Variants in COL25A1 observed in about 807,000 individuals in gnomAD.
COL25A1 encodes collagen alpha-1(XXV) chain.
A neutral mutation model predicts 128.4 loss-of-function variants in COL25A1; 103 were observed. The ratio of observed to expected loss-of-function variants is 0.80; its 90% CI spans 0.68 to 0.94. The LOEUF is 0.94. COL25A1 is among the 40% of genes least tolerant of loss of function. COL25A1 has a pLI of 0.00. For synonymous variants in COL25A1, 279 were observed against 277.2 expected, an observed-to-expected ratio of 1.01 and a Z score of -0.06; for missense variants, 745 against 840.0, an observed-to-expected ratio of 0.89 and a Z score of 1.40.
At chr4:109,214,243 A>C (rs768247307) in intron 3 of COL25A1, among the ~76,000 whole-genome samples, 1 of 152,168 alleles carries the variant, frequency 6.6e-6, no homozygotes, top group Non-Finnish European at 1.5e-5. Context: ...TAACAGAAAA[A>C]CATATTGAAA....
intron 8 of COL25A1, among the ~76,000 whole-genome samples, chr4:108,942,749 CTTTTTTTT>C (rs746618908): frequency 1.4e-5 from 1 of 69,960 alleles, no homozygotes; most frequent in African/African-American, 6.6e-5. Context: ...CACATCTGGA[CTTTTTTTT>C]TTTTTTTTTT....
In COL25A1 at chr4:109,220,919, G is replaced by A. The variant is rs114515663; in HGVS notation, c.367+79664C>T. On this transcript the variant is annotated intron_variant, in intron 3 of 37. Transcript: ENST00000399132. ...GACAACTATTTTACTGATATGAGTG[G>A]ATATTTTTCCAGAAAATTTTATGGG... Among the ~76,000 whole-genome samples the A allele has an allele frequency of 6.9e-3, 1,049 of 152,032 alleles. 11 individuals carry two copies. Among genetic ancestry groups the A allele is most frequent in the Middle Eastern group, 0.017 (5 of 294 alleles).
rs1316414887 is a variant in COL25A1 at position 108,868,192 on chromosome 4, G to T, written c.1083+896C>A. On this transcript the variant is annotated intron_variant, in intron 20 of 37. Transcript: ENST00000399132. Reference sequence around the variant, plus strand: ...CAGAATTTCTCTACTTTTCCATATGGCCAGGAAGCTAATAGCATCCCATCA... The same window carrying T: ...CAGAATTTCTCTACTTTTCCATATGTCCAGGAAGCTAATAGCATCCCATCA... 2.0e-5 allele frequency among the ~76,000 whole-genome samples: 3 copies of T among 152,034 alleles called. No individual in the cohort carries two copies. The East Asian group carries it at 5.8e-4, about 29-fold the overall frequency.
chr4:109,080,850 C>T (rs1763773860), intron 3 of COL25A1, among the ~76,000 whole-genome samples: 1 of 152,144 alleles, frequency 6.6e-6, no homozygotes, highest in Non-Finnish European at 1.5e-5. Flanking sequence ...AGCTATCTCC[C>T]ACTTCAGTTG....
chr4:109,153,306 G>A (rs577984689), intron 3 of COL25A1, among the ~76,000 whole-genome samples: 3 of 151,194 alleles, frequency 2.0e-5, no homozygotes, highest in East Asian at 2.0e-4. Flanking sequence ...AATCAAACCC[G>A]GGAGGCAGAG....
chr4:109,221,180 A>G (rs1030370367), intron 3 of COL25A1, among the ~76,000 whole-genome samples: 2 of 139,166 alleles, frequency 1.4e-5, no homozygotes, highest in South Asian at 2.1e-4. Context: ...TAAGATACTA[A>G]GTACTAAACA....
rs1736937634 is a variant in COL25A1, at chr4:108,859,683, G to A, written c.1293C>T (p.Tyr431=). The change falls in exon 24 of 38, where the codon TAC becomes TAT. Residue 431 remains tyrosine, a synonymous_variant. Coordinates refer to ENST00000399132, the MANE Select transcript of COL25A1 (RefSeq NM_198721.4). ...GDQGATEIID[Y]NGNLHEALQR... is the part of the protein sequence containing the mutation. ...GTAAGGCTTCGTGGAGGTTGCCGTTGTAGTCTATGATCTCAGTGGCTCCTT... is the reference window on the plus strand; with the variant it reads ...GTAAGGCTTCGTGGAGGTTGCCGTTATAGTCTATGATCTCAGTGGCTCCTT... 1.2e-6 allele frequency: 2 copies of A among 1,613,840 alleles called. No individual in the cohort carries two copies. The highest frequency in any genetic ancestry group is 1.7e-6 in the Non-Finnish European group (2 of 1,179,896).
At chr4:108,990,089 G>A (rs755688320) in intron 6 of COL25A1, among the ~76,000 whole-genome samples, 6 of 150,382 alleles carry the variant, frequency 4.0e-5, no homozygotes, top group Non-Finnish European at 8.9e-5. Flanking sequence ...TGGCGGGGCT[G>A]TAATCTCAGC....
At chr4:109,002,731 TCTA>T (rs1388641871) in intron 6 of COL25A1, among the ~76,000 whole-genome samples, 1 of 152,170 alleles carries the variant, frequency 6.6e-6, no homozygotes, top group Admixed American at 6.5e-5. Context: ...TCTTTATTTG[TCTA>T]CTAAGTAGTT....
intron 3 of COL25A1, among the ~76,000 whole-genome samples, chr4:109,137,560 C>T (rs564442945): frequency 1.2e-4 from 19 of 152,304 alleles, no homozygotes; most frequent in South Asian, 1.2e-3. Flanking sequence ...CACCTAGAGT[C>T]TGGTGTCCTT....
intron 31 of COL25A1, among the ~76,000 whole-genome samples, chr4:108,839,248 T>C (rs1385109208): frequency 6.6e-6 from 1 of 152,192 alleles, no homozygotes; most frequent in Admixed American, 6.5e-5. Context: ...GTCTCCCAGG[T>C]GATTCTTATC....
intron 31 of COL25A1, 114 bp downstream of exon 31, chr4:108,841,581 G>T: frequency 1.2e-6 from 1 of 858,922 alleles, no homozygotes; most frequent in Non-Finnish European, 1.9e-6. Context: ...AAGGCTCAAA[G>T]ATTATCAACA....
At position 109,273,892 on chromosome 4, in the gene COL25A1, T is replaced by TA. The variant is rs990334316; in HGVS notation, c.367+26690dup. Among the ~76,000 whole-genome samples the TA allele has an allele frequency of 4.6e-5, 7 of 151,926 alleles. No individual in the cohort carries two copies. The South Asian group carries it at 1.2e-3, about 27-fold the overall frequency. On this transcript the variant is annotated intron_variant, in intron 3 of 37. Transcript: ENST00000399132. The stretch of plus-strand genomic sequence containing the variant: ...TTAATATGAGATCAATTATAAACTG[T>TA]AAAAAAAATGAAAACAAATTAAGGA...
chr4:109,064,721 C>T (rs987353191), intron 3 of COL25A1, among the ~76,000 whole-genome samples: 1 of 152,172 alleles, frequency 6.6e-6, no homozygotes, highest in African/African-American at 2.4e-5. Flanking sequence ...AAGGACTGTA[C>T]TGGAGCTCCA....
intron 11 of COL25A1, among the ~76,000 whole-genome samples, chr4:108,926,532 G>T (rs1455641286): frequency 2.0e-5 from 3 of 152,134 alleles, no homozygotes; most frequent in Non-Finnish European, 2.9e-5. Flanking sequence ...CCAAAGGGAA[G>T]AATGATAACA....
At chr4:109,194,653 A>G (rs1223505039) in intron 3 of COL25A1, among the ~76,000 whole-genome samples, 1 of 152,164 alleles carries the variant, frequency 6.6e-6, no homozygotes, top group African/African-American at 2.4e-5. Flanking sequence ...AGTCCATTCT[A>G]GATATATACT....
At chr4:109,226,411 T>C (rs1778807565) in intron 3 of COL25A1, among the ~76,000 whole-genome samples, 1 of 152,182 alleles carries the variant, frequency 6.6e-6, no homozygotes, top group Non-Finnish European at 1.5e-5. Flanking sequence ...GTAAAATAAA[T>C]GTTTCATATT....
At chr4:108,941,046 T>G (rs970895476) in intron 9 of COL25A1, among the ~76,000 whole-genome samples, 2 of 152,246 alleles carry the variant, frequency 1.3e-5, no homozygotes, top group African/African-American at 4.8e-5. Flanking sequence ...ATTAAGCATA[T>G]GAGGCTCCCA....
At chr4:109,046,861 T>G (rs1165946457) in intron 5 of COL25A1, among the ~76,000 whole-genome samples, 1 of 152,092 alleles carries the variant, frequency 6.6e-6, no homozygotes. Context: ...TGAGAAAATA[T>G]CTCAAGGCCA....
Sources: allele counts gnomAD v4.1 joint callset (sites outside exome capture counted in the v4.1 genomes callset), GRCh38; gene constraint gnomAD v4.1.1; transcripts MANE v1.5; gene names NCBI Gene and HGNC (gene_info 2026-07-23, HGNC 2026-07-21).